Variants in CELF2 observed in about 807,000 individuals in gnomAD.
The protein encoded by CELF2 is CUG triplet repeat RNA-binding protein 2.
CELF2 carries 8 observed loss-of-function variants against 62.6 expected under a neutral mutation model. That is an observed-to-expected ratio of 0.13 (90% CI 0.07 to 0.23). The LOEUF is 0.23. Ranked by LOEUF, CELF2 falls within the 10% of genes least tolerant of loss-of-function variation. The pLI, the probability that CELF2 is intolerant of heterozygous loss-of-function variation, is 1.00. For synonymous variants in CELF2, 258 were observed against 250.0 expected (o/e 1.03, Z -0.30); for missense variants, 333 against 671.0 (o/e 0.50, Z 5.56).
intron 1 of CELF2, among the ~76,000 whole-genome samples, chr10:10,819,940 C>T (rs1261924541): frequency 6.6e-6 from 1 of 152,072 alleles, no homozygotes; most frequent in Admixed American, 6.5e-5. Context: ...TTGTCCCCAC[C>T]AAATCTCAAT....
chr10:10,466,343 T>G, the CELF2 span, among the ~76,000 whole-genome samples: 2 of 152,186 alleles, frequency 1.3e-5, no homozygotes. Context: ...TTTTTCATTT[T>G]GCGTACTGAC....
At chr10:11,274,549 G>A (rs1341329601) in intron 7 of CELF2, among the ~76,000 whole-genome samples, 1 of 152,250 alleles carries the variant, frequency 6.6e-6, no homozygotes, top group Non-Finnish European at 1.5e-5. Context: ...GCTTGGTCAT[G>A]TAGTGGTGGC....
the CELF2 span, among the ~76,000 whole-genome samples, chr10:10,518,716 G>A: frequency 1.9e-5 from 2 of 105,532 alleles, no homozygotes; most frequent in Non-Finnish European, 4.2e-5. Context: ...ACCACAAAAT[G>A]ATTTTTTTTT....
chr10:10,853,320 T>C (rs1452142025), intron 1 of CELF2, among the ~76,000 whole-genome samples: 1 of 152,110 alleles, frequency 6.6e-6, no homozygotes, highest in African/African-American at 2.4e-5. Context: ...CTAGGATTCT[T>C]GGTTGCTGTA....
chr10:10,994,336 A>G (rs2053730740), intron 2 of CELF2, among the ~76,000 whole-genome samples: 1 of 152,200 alleles, frequency 6.6e-6, no homozygotes, highest in Non-Finnish European at 1.5e-5. Context: ...ATTGTCCTTC[A>G]CTTTCTCATT....
chr10:10,987,047 T>A (rs550911684), intron 2 of CELF2, among the ~76,000 whole-genome samples: 4 of 152,324 alleles, frequency 2.6e-5, no homozygotes, highest in Non-Finnish European at 5.9e-5. Flanking sequence ...TTGGATAGAC[T>A]AGCTGGCAGT....
In CELF2 at chr10:11,117,421, C is replaced by G. The variant is rs1335399096; in HGVS notation, c.75-48065C>G. On this transcript the variant is annotated intron_variant, in intron 1 of 12. Coordinates refer to ENST00000633077, the MANE Select transcript of CELF2 (RefSeq NM_001326342.2). The surrounding 1 kb of genome is among the most constrained non-coding windows in gnomAD (Gnocchi z 4.1). The stretch of plus-strand genomic sequence containing the variant: ...AGGTATCATTCGAAAAAGCCAGTGG[C>G]TCTCCAGGAATGAAGATGCTCAAGG... 6.6e-6 allele frequency among the ~76,000 whole-genome samples: 1 copy of G among 152,206 alleles called. No individual in the cohort carries two copies. Among genetic ancestry groups the G allele is most frequent in the African/African-American group, 2.4e-5 (1 of 41,462 alleles).
the CELF2 span, among the ~76,000 whole-genome samples, chr10:10,744,123 G>A: frequency 6.6e-6 from 1 of 152,056 alleles, no homozygotes; most frequent in Non-Finnish European, 1.5e-5. Flanking sequence ...GTTGCTCAAA[G>A]AAGCTCTAAA....
intron 2 of CELF2, among the ~76,000 whole-genome samples, chr10:11,174,456 T>A (rs1366844195): frequency 6.6e-6 from 1 of 152,214 alleles, no homozygotes; most frequent in African/African-American, 2.4e-5. Context: ...ATGTTTCTAA[T>A]CCAGTATCCA....
the CELF2 span, among the ~76,000 whole-genome samples, chr10:10,602,130 A>G: frequency 6.6e-6 from 1 of 152,124 alleles, no homozygotes; most frequent in East Asian, 1.9e-4. Flanking sequence ...TTCTTTATCC[A>G]GTCTATCACT....
At chr10:11,212,272 T>C (rs2062038023) in intron 2 of CELF2, among the ~76,000 whole-genome samples, 2 of 152,158 alleles carry the variant, frequency 1.3e-5, no homozygotes, top group Non-Finnish European at 2.9e-5. Flanking sequence ...CATACCTGTC[T>C]CCTTCTCTCA....
At chr10:10,481,337 T>G in the CELF2 span, among the ~76,000 whole-genome samples, 1 of 152,230 alleles carries the variant, frequency 6.6e-6, no homozygotes, top group African/African-American at 2.4e-5. Flanking sequence ...ACAGGGAATT[T>G]CTTTGTTTTC....
chr10:11,043,156 T>A (rs993660025), intron 1 of CELF2, among the ~76,000 whole-genome samples: 2 of 152,220 alleles, frequency 1.3e-5, no homozygotes, highest in Non-Finnish European at 1.5e-5. Context: ...TGCTGCATCC[T>A]TGGCAACAGT....
chr10:10,574,840 G>A, the CELF2 span, among the ~76,000 whole-genome samples: 1 of 147,988 alleles, frequency 6.8e-6, no homozygotes, highest in African/African-American at 2.5e-5. Flanking sequence ...CTCCTGACTA[G>A]CTAGGATTAC....
intron 2 of CELF2, among the ~76,000 whole-genome samples, chr10:11,199,061 G>A (rs2135112324): frequency 6.6e-6 from 1 of 152,310 alleles, no homozygotes; most frequent in Admixed American, 6.5e-5. Flanking sequence ...CTTAGGAGGA[G>A]GGGTTGGTAG....
At chr10:10,967,568 C>T (rs1016037320) in intron 2 of CELF2, among the ~76,000 whole-genome samples, 2 of 152,178 alleles carry the variant, frequency 1.3e-5, no homozygotes, top group African/African-American at 4.8e-5. Context: ...GGCCACAATA[C>T]ATGTGTGACC....
the CELF2 span, among the ~76,000 whole-genome samples, chr10:10,573,256 C>A: frequency 6.6e-6 from 1 of 151,992 alleles, no homozygotes; most frequent in Non-Finnish European, 1.5e-5. Context: ...GATATTAAAC[C>A]TTTGTCAGAT....
chr10:11,208,421 C>G (rs1378801970), intron 2 of CELF2, among the ~76,000 whole-genome samples: 1 of 152,170 alleles, frequency 6.6e-6, no homozygotes, highest in Non-Finnish European at 1.5e-5. Context: ...CATTTGCATA[C>G]TTAGGTTCCA....
chr10:10,702,347 A>G, the CELF2 span, among the ~76,000 whole-genome samples: 1 of 152,208 alleles, frequency 6.6e-6, no homozygotes, highest in Non-Finnish European at 1.5e-5. Flanking sequence ...TTTCCTTTTC[A>G]CTTGACTGGC....
Sources: allele counts gnomAD v4.1 joint callset (sites outside exome capture counted in the v4.1 genomes callset), GRCh38; gene constraint gnomAD v4.1.1; non-coding constraint Gnocchi (gnomAD v3.1); transcripts MANE v1.5; gene names NCBI Gene and HGNC (gene_info 2026-07-23, HGNC 2026-07-21).